IBTK: variants seen among roughly 807,000 people sequenced by gnomAD.
IBTK encodes the protein BTK-binding protein.
IBTK carries 83 observed loss-of-function variants against 154.9 expected under a neutral mutation model. The ratio of observed to expected loss-of-function variants is 0.54; its 90% CI spans 0.45 to 0.64. The LOEUF is 0.64. Ranked by LOEUF, IBTK falls within the 30% of genes least tolerant of loss-of-function variation. The pLI is 0.00. For synonymous variants in IBTK, 515 were observed against 536.1 expected (o/e 0.96, Z 0.54); for missense variants, 1,332 against 1,584.6 (o/e 0.84, Z 2.71).
chr6:82,231,304 T>C (rs1770494187), intron 4 of IBTK, among the ~76,000 whole-genome samples: 1 of 144,868 alleles, frequency 6.9e-6, no homozygotes, highest in African/African-American at 2.6e-5. Flanking sequence ...TTTTATTTTT[T>C]AATGCCACCA....
chr6:82,220,685 A>G lies in IBTK; in HGVS notation c.1153T>C (p.Ser385Pro). 6.3e-7 allele frequency: 1 copy of G among 1,599,846 alleles called. No individual in the cohort carries two copies. The highest frequency in any genetic ancestry group is 8.5e-7 in the Non-Finnish European group (1 of 1,175,890). The change falls in exon 9 of 29, where the codon TCT becomes CCT. Residue 385 changes from serine to proline, a missense_variant. Transcript: ENST00000306270. ...KQLNLKKVLV[S>P]GGHMEYKVDP... ...ACCTTGTATTCCATATGACCCCCAG[A>G]CACAAGAACTTTTTTCAAGTTCAAC...
intron 22 of IBTK, among the ~76,000 whole-genome samples, chr6:82,194,855 C>T (rs1768921201): frequency 6.6e-6 from 1 of 151,978 alleles, no homozygotes; most frequent in Non-Finnish European, 1.5e-5. Context: ...TTATTATGAG[C>T]TTTGAAAATA....
intron 1 of IBTK, among the ~76,000 whole-genome samples, chr6:82,243,642 A>T (rs1309351790): frequency 6.6e-6 from 1 of 152,226 alleles, no homozygotes; most frequent in East Asian, 1.9e-4. Flanking sequence ...CTGCAGTTTC[A>T]GGCATCCACT....
At chr6:82,202,877 T>C (rs149926011) in intron 17 of IBTK, among the ~76,000 whole-genome samples, 85 of 152,262 alleles carry the variant, frequency 5.6e-4, no homozygotes, top group Admixed American at 3.5e-3. Flanking sequence ...CACAAGCATA[T>C]TCTAAGCAAA....
At chr6:82,189,159 C>G in intron 25 of IBTK, 1 of 288,156 alleles carries the variant, frequency 3.5e-6, no homozygotes. Flanking sequence ...TAAGATTTCC[C>G]TAGAACTTAA....
At chr6:82,225,868 A>C (rs1352631092) in intron 5 of IBTK, among the ~76,000 whole-genome samples, 1 of 152,236 alleles carries the variant, frequency 6.6e-6, no homozygotes, top group Non-Finnish European at 1.5e-5. Flanking sequence ...AAGACATTCC[A>C]GTGAAATAAT....
At chr6:82,237,653 A>ATAGTAGAAGATAGTAG (rs1554188029) in intron 2 of IBTK, among the ~76,000 whole-genome samples, 5 of 36,618 alleles carry the variant, frequency 1.4e-4, no homozygotes, top group Non-Finnish European at 2.4e-4. Context: ...GTAGTAGAAG[A>ATAGTAGAAGATAGTAG]TAGTAGTGGT....
chr6:82,216,366 T>C (rs1484931439), intron 10 of IBTK, 116 bp from the exon 11 acceptor site: 2 of 677,318 alleles, frequency 3.0e-6, no homozygotes, highest in Admixed American at 3.4e-5. Flanking sequence ...TTTTCACATA[T>C]ATTCAGTGTT....
intron 21 of IBTK, among the ~76,000 whole-genome samples, chr6:82,198,460 C>T (rs913613331): frequency 6.6e-6 from 1 of 151,960 alleles, no homozygotes; most frequent in Non-Finnish European, 1.5e-5. Context: ...ATTATCTATC[C>T]TTTTTTTATC....
At chr6:82,227,766 T>C (rs924691028) in intron 4 of IBTK, among the ~76,000 whole-genome samples, 7 of 152,114 alleles carry the variant, frequency 4.6e-5, no homozygotes, top group Non-Finnish European at 2.9e-5. Flanking sequence ...AAGCCATTTA[T>C]ACATGGCGTA....
chr6:82,220,937 TACACAC>T (rs57358110), intron 8 of IBTK, among the ~76,000 whole-genome samples: 1,326 of 130,152 alleles, frequency 0.01, 14 homozygotes, highest in African/African-American at 0.031. Context: ...TGACTTTACC[TACACAC>T]ACACACACAC....
At chr6:82,185,397 A>G (rs574468367) in intron 25 of IBTK, among the ~76,000 whole-genome samples, 1 of 151,276 alleles carries the variant, frequency 6.6e-6, no homozygotes, top group Non-Finnish European at 1.5e-5. Context: ...TCTACAACAA[A>G]TAAAAAATTA....
At chr6:82,238,596 CCCAGCTAATA>C (rs1490283095) in intron 2 of IBTK, among the ~76,000 whole-genome samples, 2 of 152,024 alleles carry the variant, frequency 1.3e-5, no homozygotes, top group African/African-American at 4.8e-5. Context: ...TGCCACCACA[CCCAGCTAATA>C]ATTTTTGTAT....
intron 25 of IBTK, among the ~76,000 whole-genome samples, chr6:82,183,548 T>G (rs1397134394): frequency 6.6e-6 from 1 of 152,194 alleles, no homozygotes; most frequent in Non-Finnish European, 1.5e-5. Context: ...ACAGAAAGTC[T>G]ATATAGACTA....
At chr6:82,246,007 T>A (rs143841995) in intron 1 of IBTK, among the ~76,000 whole-genome samples, 58 of 152,282 alleles carry the variant, frequency 3.8e-4, no homozygotes, top group African/African-American at 1.3e-3. Flanking sequence ...ATAAATATAA[T>A]CCTTATTATT....
At chr6:82,174,440 A>G (rs1448701878) in intron 26 of IBTK, among the ~76,000 whole-genome samples, 1 of 152,178 alleles carries the variant, frequency 6.6e-6, no homozygotes, top group South Asian at 2.1e-4. Context: ...TGAGGAAATG[A>G]CATTAAAGCT....
At chr6:82,243,098 G>A (rs1455796994) in intron 1 of IBTK, among the ~76,000 whole-genome samples, 34 of 150,974 alleles carry the variant, frequency 2.3e-4, no homozygotes, top group Admixed American at 9.2e-4. Flanking sequence ...AAAATTAGCC[G>A]GGTGTGGTGG....
At chr6:82,226,038 C>T (rs1373866236) in intron 5 of IBTK, among the ~76,000 whole-genome samples, 1 of 152,078 alleles carries the variant, frequency 6.6e-6, no homozygotes, top group Non-Finnish European at 1.5e-5. Context: ...GTATCATATT[C>T]CTTTGGAGTC....
intron 25 of IBTK, among the ~76,000 whole-genome samples, chr6:82,187,473 G>A (rs1768595855): frequency 6.6e-6 from 1 of 152,066 alleles, no homozygotes; most frequent in African/African-American, 2.4e-5. Context: ...ATCCTAAAGT[G>A]TACAGCAAAG....
Sources: allele counts gnomAD v4.1 joint callset (sites outside exome capture counted in the v4.1 genomes callset), GRCh38; gene constraint gnomAD v4.1.1; transcripts MANE v1.5; gene names NCBI Gene and HGNC (gene_info 2026-07-23, HGNC 2026-07-21).